Variants in FDFT1 observed in about 807,000 individuals in gnomAD.
FDFT1 encodes farnesyl-diphosphate farnesyltransferase 1.
FDFT1 carries 68 observed loss-of-function variants against 46.8 expected under a neutral mutation model. That is an observed-to-expected ratio of 1.45 (90% confidence interval 1.19 to 1.78). The LOEUF (loss-of-function observed/expected upper bound fraction) is 1.78. FDFT1 is among the 40% of genes most tolerant of loss of function. The pLI is 0.00. For synonymous variants in FDFT1, 351 were observed against 185.1 expected (o/e 1.90, Z -7.28); for missense variants, 928 against 524.4 (o/e 1.77, Z -7.52).
rs1806755020 is a variant in FDFT1 at position 11,805,781 on chromosome 8, T to G, written c.99+2850T>G. 3.3e-5 allele frequency among the ~76,000 whole-genome samples: 5 copies of G among 152,244 alleles called. No homozygotes were observed. The South Asian group carries it at 8.3e-4, about 25-fold the overall frequency. ...ATAATTATGAGGTGCTACTTCACAC[T>G]GACTAGGGTTGTATATGCATTTTAT... is the stretch of plus-strand genomic sequence containing the variant. On this transcript the variant is annotated intron_variant, in intron 1 of 7. Coordinates refer to ENST00000220584, the MANE Select transcript of FDFT1 (RefSeq NM_004462.5).
intron 7 of FDFT1, among the ~76,000 whole-genome samples, chr8:11,835,990 A>AAAAAAG (rs1221424048): frequency 2.0e-5 from 3 of 147,074 alleles, no homozygotes; most frequent in Non-Finnish European, 4.5e-5. Context: ...AAAAAAAAAA[A>AAAAAAG]AAAAATACAA....
At chr8:11,798,419 ACTT>A (rs1162173047), upstream of FDFT1, among the ~76,000 whole-genome samples, 3 of 152,200 alleles carry the variant, frequency 2.0e-5, no homozygotes. Context: ...GGGGAAGTCA[ACTT>A]CAACATGGTT....
chr8:11,822,642 C>T (rs989592377), intron 4 of FDFT1, among the ~76,000 whole-genome samples: 1 of 151,970 alleles, frequency 6.6e-6, no homozygotes, highest in Non-Finnish European at 1.5e-5. Flanking sequence ...AGCGAGACCC[C>T]GTCTTTCAAA....
At chr8:11,836,556 G>A (rs938301744) in intron 7 of FDFT1, among the ~76,000 whole-genome samples, 6 of 152,246 alleles carry the variant, frequency 3.9e-5, no homozygotes, top group Non-Finnish European at 5.9e-5. Flanking sequence ...TCCTTGATAG[G>A]CCTTCCTGCC....
upstream of FDFT1, among the ~76,000 whole-genome samples, chr8:11,800,241 C>G (rs1044155770): frequency 3.0e-5 from 3 of 98,372 alleles, no homozygotes; most frequent in Non-Finnish European, 5.4e-5. Flanking sequence ...AGCCTGGCAA[C>G]AAGAGTGAAA....
chr8:11,796,493 TC>T (rs1805580672), intron 1 of FDFT1, among the ~76,000 whole-genome samples: 1 of 152,142 alleles, frequency 6.6e-6, no homozygotes, highest in African/African-American at 2.4e-5. Flanking sequence ...CAAATAAGGT[TC>T]TTGATTCGGA....
At chr8:11,822,390 G>C (rs1468547439) in intron 4 of FDFT1, among the ~76,000 whole-genome samples, 1 of 152,226 alleles carries the variant, frequency 6.6e-6, no homozygotes, top group Non-Finnish European at 1.5e-5. Flanking sequence ...CACTACGTTA[G>C]TGTAGGTCCA....
intron 3 of FDFT1, among the ~76,000 whole-genome samples, chr8:11,812,127 T>C (rs1213473594): frequency 6.6e-6 from 1 of 152,180 alleles, no homozygotes; most frequent in African/African-American, 2.4e-5. Context: ...GAGTGCCCCA[T>C]TCTAGGCCCC....
In FDFT1 at chr8:11,802,942, C is replaced by T. The variant is rs778721926; in HGVS notation, c.99+11C>T. The T allele has an allele frequency of 2.5e-6, 4 of 1,594,018 alleles. No individual in the cohort carries two copies. The highest frequency in any genetic ancestry group is 1.7e-5 in the Admixed American group (1 of 57,192). On this transcript the variant is annotated intron_variant, in intron 1 of 7. Transcript: ENST00000220584. ...CCCAAGATGGACCAGGTGGGCCGAG[C>T]CTCCCTGCTTGCCCGGGGCGGGGAA...
intron 4 of FDFT1, among the ~76,000 whole-genome samples, chr8:11,824,267 C>G (rs935756582): frequency 6.6e-6 from 1 of 152,048 alleles, no homozygotes; most frequent in African/African-American, 2.4e-5. Context: ...ATTAAGTTGT[C>G]TTAGGATACC....
At chr8:11,796,132 C>T (rs1020984959) in intron 1 of FDFT1, 16 of 151,998 alleles carry the variant, frequency 1.1e-4, no homozygotes, top group Admixed American at 2.0e-4. Flanking sequence ...TCTTAAATGC[C>T]TCCTAAATGC....
At chr8:11,805,834 C>G (rs774116447) in intron 1 of FDFT1, among the ~76,000 whole-genome samples, 3 of 152,138 alleles carry the variant, frequency 2.0e-5, no homozygotes, top group African/African-American at 7.2e-5. Context: ...ACTAAAAATG[C>G]TAAATTCTGC....
intron 3 of FDFT1, among the ~76,000 whole-genome samples, chr8:11,813,098 C>T (rs545876227): frequency 3.8e-4 from 58 of 152,256 alleles, no homozygotes; most frequent in Non-Finnish European, 7.2e-4. Context: ...AATTGGAGCA[C>T]AGTGGTAAGT....
At chr8:11,825,651 G>C (rs1480462393) in intron 4 of FDFT1, among the ~76,000 whole-genome samples, 3 of 148,044 alleles carry the variant, frequency 2.0e-5, no homozygotes. Context: ...CCAGTAGTTT[G>C]AGTCTAACGT....
upstream of FDFT1, chr8:11,802,392 C>T: frequency 2.2e-6 from 1 of 456,456 alleles, no homozygotes; most frequent in South Asian, 1.5e-5. Context: ...CCGTTGGGCT[C>T]CTGCGCATCC....
intron 5 of FDFT1, among the ~76,000 whole-genome samples, chr8:11,827,983 C>G (rs1284683498): frequency 1.3e-5 from 2 of 152,162 alleles, no homozygotes; most frequent in Non-Finnish European, 2.9e-5. Context: ...GAGTGGATCA[C>G]TTGAGGTCAG....
At chr8:11,822,000 C>A in intron 4 of FDFT1, 122 bp downstream of exon 4, 1 of 1,170,002 alleles carries the variant, frequency 8.5e-7, no homozygotes, top group Non-Finnish European at 1.2e-6. Context: ...TACAATTCAT[C>A]TGTTTAGGTT....
At chr8:11,810,794 C>G (rs962283539) in intron 3 of FDFT1, among the ~76,000 whole-genome samples, 1 of 151,934 alleles carries the variant, frequency 6.6e-6, no homozygotes, top group Admixed American at 6.6e-5. Flanking sequence ...TCCACAGTTG[C>G]CAGAGCTTTT....
intron 1 of FDFT1, 34 bp downstream of exon 1, chr8:11,802,965 G>T: frequency 6.4e-7 from 1 of 1,568,740 alleles, no homozygotes; most frequent in Non-Finnish European, 8.7e-7. Context: ...CCGGGGCGGG[G>T]AAGGAGCTCG....
Sources: gnomAD v4.1 joint callset for allele counts (sites outside exome capture counted in the v4.1 genomes callset) on GRCh38, gnomAD v4.1.1 for gene constraint, MANE v1.5 for transcripts, NCBI Gene and HGNC (gene_info 2026-07-23, HGNC 2026-07-21) for gene names.